Variants in STK33 observed in about 807,000 individuals in gnomAD.
The protein encoded by STK33 is serine/threonine-protein kinase 33.
A neutral mutation model predicts 58.0 loss-of-function variants in STK33; 52 were observed. The observed-to-expected ratio is 0.90, with a 90% CI of 0.72 to 1.13. The LOEUF (loss-of-function observed/expected upper bound fraction) is 1.13. Among genes scored for constraint, STK33 ranks in the 50% most tolerant of loss-of-function variants. STK33 has a pLI of 0.00. For missense variants in STK33, 630 were observed against 604.2 expected, an observed-to-expected ratio of 1.04 and a Z score of -0.45; for synonymous variants, 215 against 200.1, an observed-to-expected ratio of 1.07 and a Z score of -0.63.
chr11:8,520,839 A>G (rs1194784192), intron 1 of STK33, among the ~76,000 whole-genome samples: 3 of 152,156 alleles, frequency 2.0e-5, no homozygotes, highest in Non-Finnish European at 4.4e-5. Context: ...TCAATGAAAT[A>G]AAAGAGATCA....
chr11:8,458,929 C>A (rs991043216), intron 8 of STK33, among the ~76,000 whole-genome samples: 2 of 152,126 alleles, frequency 1.3e-5, no homozygotes, highest in South Asian at 4.1e-4. Flanking sequence ...CTTCCTATAG[C>A]GCAATTCAGA....
At chr11:8,427,873 A>G (rs1942961074) in intron 14 of STK33, among the ~76,000 whole-genome samples, 1 of 152,226 alleles carries the variant, frequency 6.6e-6, no homozygotes, top group Non-Finnish European at 1.5e-5. Context: ...TTTAAATTCT[A>G]GGACTGTGTA....
At chr11:8,481,597 A>G (rs1949807017) in intron 1 of STK33, among the ~76,000 whole-genome samples, 1 of 152,120 alleles carries the variant, frequency 6.6e-6, no homozygotes. Flanking sequence ...CAAAAACTGC[A>G]CCTCCACCAT....
At chr11:8,542,130 G>C (rs943543653) in intron 1 of STK33, among the ~76,000 whole-genome samples, 1 of 152,152 alleles carries the variant, frequency 6.6e-6, no homozygotes, top group Non-Finnish European at 1.5e-5. Context: ...CTTTTCAAAA[G>C]ATCAAGAAAT....
At chr11:8,393,204 G>A (rs1848817279) in intron 15 of STK33, among the ~76,000 whole-genome samples, 1 of 152,150 alleles carries the variant, frequency 6.6e-6, no homozygotes, top group African/African-American at 2.4e-5. Context: ...CACTACTCAG[G>A]CAGGCCTGTA....
chr11:8,582,216 A>G (rs190168609), intron 1 of STK33, among the ~76,000 whole-genome samples: 1 of 152,228 alleles, frequency 6.6e-6, no homozygotes, highest in Admixed American at 6.5e-5. Context: ...ACAAAAAAAC[A>G]TTTTCTTATG....
chr11:8,496,639 A>C (rs1951078428), intron 1 of STK33, among the ~76,000 whole-genome samples: 1 of 150,428 alleles, frequency 6.6e-6, no homozygotes, highest in Non-Finnish European at 1.5e-5. Flanking sequence ...CAGTGGCGTG[A>C]TCTCGGCTCA....
chr11:8,520,295 C>A (rs200667484), intron 1 of STK33, among the ~76,000 whole-genome samples: 1 of 152,106 alleles, frequency 6.6e-6, no homozygotes, highest in Non-Finnish European at 1.5e-5. Context: ...ATTCAGCAGC[C>A]CTTCATGCTA....
chr11:8,473,316 AT>A, intron 5 of STK33, 40 bp from the exon 6 acceptor site: 1 of 1,211,956 alleles, frequency 8.3e-7, no homozygotes, highest in Non-Finnish European at 1.2e-6. Context: ...AAACTTTAAG[AT>A]GTAATATTCT....
At chr11:8,539,715 T>C (rs1476443727) in intron 1 of STK33, among the ~76,000 whole-genome samples, 1 of 152,148 alleles carries the variant, frequency 6.6e-6, no homozygotes, top group African/African-American at 2.4e-5. Context: ...TACTTGGCAT[T>C]AAGATAGACA....
In STK33 at chr11:8,469,960, A is replaced by C. The variant is rs78671206; in HGVS notation, c.339+3203T>G. ...CATTCAGGCTTTGTTGTTTTATTTAATGAGCACAGGCAGAGCAAATTTAGC... is the reference window on the plus strand; with the variant it reads ...CATTCAGGCTTTGTTGTTTTATTTACTGAGCACAGGCAGAGCAAATTTAGC... On this transcript the variant is annotated intron_variant, in intron 6 of 15. Coordinates refer to ENST00000687296, the MANE Select transcript of STK33 (RefSeq NM_001352389.2). Among the ~76,000 whole-genome samples, 1,304 of 152,326 alleles carry C rather than the reference A, an allele frequency of 8.6e-3. 16 individuals are homozygous for C. Among genetic ancestry groups the C allele is most frequent in the African/African-American group, 0.029 (1,205 of 41,572 alleles).
At chr11:8,354,846 C>T in the STK33 span, among the ~76,000 whole-genome samples, 7 of 152,156 alleles carry the variant, frequency 4.6e-5, no homozygotes, top group African/African-American at 1.7e-4. Context: ...TGGCTGGGCG[C>T]CGGCCCCTCC....
rs149064057 is a variant in STK33 at position 8,557,444 on chromosome 11, C to T, written c.-466+36639G>A. On this transcript the variant is annotated intron_variant, in intron 1 of 15. Coordinates refer to ENST00000687296, the MANE Select transcript of STK33 (RefSeq NM_001352389.2). ...ATTTCAACTTAAAGCTGAATTCTTA[C>T]GTGCCAAAATCAGAATAAAAACCTG... Among the ~76,000 whole-genome samples, 336 of 151,800 alleles carry T rather than the reference C, an allele frequency of 2.2e-3. 3 individuals carry two copies. Among genetic ancestry groups the T allele is most frequent in the African/African-American group, 7.4e-3 (308 of 41,368 alleles).
intron 1 of STK33, among the ~76,000 whole-genome samples, chr11:8,563,553 C>T (rs1957252567): frequency 6.6e-6 from 1 of 152,118 alleles, no homozygotes; most frequent in South Asian, 2.1e-4. Context: ...CTGTGCAGGA[C>T]CATTCTTCAA....
At chr11:8,342,767 C>G in the STK33 span, among the ~76,000 whole-genome samples, 1 of 152,224 alleles carries the variant, frequency 6.6e-6, no homozygotes, top group Non-Finnish European at 1.5e-5. Flanking sequence ...CATCCTTCTT[C>G]TAATGGATAG....
At chr11:8,378,344 C>A in the STK33 span, among the ~76,000 whole-genome samples, 1 of 152,172 alleles carries the variant, frequency 6.6e-6, no homozygotes, top group Non-Finnish European at 1.5e-5. Flanking sequence ...CATGGAGAAA[C>A]CCCGTCTCTA....
chr11:8,536,405 C>G (rs1466727176), intron 1 of STK33, among the ~76,000 whole-genome samples: 1 of 152,104 alleles, frequency 6.6e-6, no homozygotes, highest in African/African-American at 2.4e-5. Flanking sequence ...AGATCCACCT[C>G]AATAATCACC....
At chr11:8,402,258 C>T (rs899162562) in intron 15 of STK33, among the ~76,000 whole-genome samples, 4 of 152,186 alleles carry the variant, frequency 2.6e-5, no homozygotes, top group Admixed American at 2.0e-4. Context: ...AAATGAGGCA[C>T]ATATACACCA....
intron 1 of STK33, among the ~76,000 whole-genome samples, chr11:8,530,507 G>GA (rs924737700): frequency 6.6e-6 from 1 of 150,500 alleles, no homozygotes; most frequent in Admixed American, 6.6e-5. Flanking sequence ...GAATAAAAAA[G>GA]AAAAAATTAT....
Sources: gnomAD v4.1 joint callset for allele counts (sites outside exome capture counted in the v4.1 genomes callset) on GRCh38, gnomAD v4.1.1 for gene constraint, MANE v1.5 for transcripts, NCBI Gene and HGNC (gene_info 2026-07-23, HGNC 2026-07-21) for gene names.